JAKMIP1: variants seen among roughly 807,000 people sequenced by gnomAD.
JAKMIP1 encodes the protein janus kinase and microtubule interacting protein 1.
A neutral mutation model predicts 113.0 loss-of-function variants in JAKMIP1; 33 were observed. The ratio of observed to expected loss-of-function variants is 0.29; its 90% CI spans 0.22 to 0.39. The LOEUF (loss-of-function observed/expected upper bound fraction) is 0.39. Among genes scored for constraint, JAKMIP1 ranks in the 10% least tolerant of loss-of-function variants. The pLI, the probability that JAKMIP1 is intolerant of heterozygous loss-of-function variation, is 1.00. For synonymous variants in JAKMIP1, 480 were observed against 459.9 expected (o/e 1.04, Z -0.56); for missense variants, 813 against 1,080.5 (o/e 0.75, Z 3.47).
At chr4:6,034,102 C>T (rs1270720573) in intron 19 of JAKMIP1, among the ~76,000 whole-genome samples, 1 of 152,000 alleles carries the variant, frequency 6.6e-6, no homozygotes, top group Non-Finnish European at 1.5e-5. Context: ...TAGTGAGGCT[C>T]ATTACAACCA....
intron 2 of JAKMIP1, among the ~76,000 whole-genome samples, chr4:6,107,430 T>C (rs560965998): frequency 3.9e-5 from 6 of 152,318 alleles, no homozygotes; most frequent in African/African-American, 1.2e-4. Flanking sequence ...GCCCAGTCGT[T>C]TGGTCAAACA....
intron 2 of JAKMIP1, 113 bp downstream of exon 2, chr4:6,112,608 GC>G (rs933021628): frequency 5.5e-6 from 7 of 1,266,850 alleles, no homozygotes; most frequent in African/African-American, 4.3e-5. Flanking sequence ...GAGGTGAAGT[GC>G]CCCCCCTCGG....
At chr4:6,196,676 T>G (rs577191731) in intron 1 of JAKMIP1, among the ~76,000 whole-genome samples, 1 of 152,186 alleles carries the variant, frequency 6.6e-6, no homozygotes, top group African/African-American at 2.4e-5. Context: ...CTGGTTAACA[T>G]GGTGAAACCC....
rs1180630333 is a variant in JAKMIP1 at position 6,176,858 on chromosome 4, C to G, written c.-148+23395G>C. 1.3e-5 allele frequency among the ~76,000 whole-genome samples: 2 copies of G among 152,146 alleles called. No individual in the cohort carries two copies. The highest frequency in any genetic ancestry group is 2.9e-5 in the Non-Finnish European group (2 of 68,032). ...AACCAGCCTGGGCAACATGGCGAAA[C>G]CCTGCCTCTACAAAAAATACAAAAA... On this transcript the variant is annotated intron_variant, in intron 1 of 20. Coordinates refer to ENST00000409021, the MANE Select transcript of JAKMIP1 (RefSeq NM_001099433.2). This position sits in a 1 kb window ranked among gnomAD's most constrained non-coding sequence, Gnocchi z 5.5.
rs1410911402 is a variant in JAKMIP1, at chr4:6,156,705, G to C, written c.-148+43548C>G. Among the ~76,000 whole-genome samples, 1 of 141,910 alleles carries C rather than the reference G, an allele frequency of 7.0e-6. No individual in the cohort carries two copies. Among genetic ancestry groups the C allele is most frequent in the African/African-American group, 2.9e-5 (1 of 34,652 alleles). The allele number at this position is 141,910 out of a possible 152,430, so 93.1% of individuals were successfully genotyped here. A position where few individuals can be genotyped will look rare whatever the true frequency, so the allele number is the denominator to read the frequency against. The stretch of plus-strand genomic sequence containing the variant: ...TGGGAGCTAAAATATCTCCTTCATT[G>C]AAGGCTGTAGGATGTACAAGAAAGG... On this transcript the variant is annotated intron_variant, in intron 1 of 20. Transcript: ENST00000409021. The surrounding 1 kb of genome is among the most constrained non-coding windows in gnomAD (Gnocchi z 5.0).
Position 6,080,505 on chromosome 4 carries a change from G to A in JAKMIP1, c.1102-193C>T, listed in dbSNP as rs1720350023. On this transcript the variant is annotated intron_variant, in intron 6 of 20. Transcript: ENST00000409021. The surrounding 1 kb of genome is among the most constrained non-coding windows in gnomAD (Gnocchi z 6.0). ...GAATTGCGGCTCCCAGAACTCCCGT[G>A]TGTTGTGGGAGGGGCCAGGTGGGAG... 6.6e-6 allele frequency among the ~76,000 whole-genome samples: 1 copy of A among 152,164 alleles called. No individual in the cohort carries two copies. The highest frequency in any genetic ancestry group is 2.1e-4 in the South Asian group (1 of 4,820).
chr4:6,093,062 A>G lies in JAKMIP1; in HGVS notation c.625-7433T>C, dbSNP rs1722302213. On this transcript the variant is annotated intron_variant, in intron 3 of 20. Transcript: ENST00000409021. The surrounding 1 kb of genome is among the most constrained non-coding windows in gnomAD (Gnocchi z 4.6). ...GAGATATGGTTAAAATGATCACATCATGCCCCATTACTTCCAAACCTTTGC... is the reference window on the plus strand; with the variant it reads ...GAGATATGGTTAAAATGATCACATCGTGCCCCATTACTTCCAAACCTTTGC... 6.6e-6 allele frequency among the ~76,000 whole-genome samples: 1 copy of G among 152,228 alleles called. No individual in the cohort carries two copies. Among genetic ancestry groups the G allele is most frequent in the Non-Finnish European group, 1.5e-5 (1 of 68,048 alleles).
intron 8 of JAKMIP1, among the ~76,000 whole-genome samples, chr4:6,068,338 A>G (rs1002480040): frequency 4.6e-5 from 7 of 152,174 alleles, no homozygotes; most frequent in Non-Finnish European, 1.0e-4. Flanking sequence ...ATATGGCCCC[A>G]GAGACCAAGA....
intron 1 of JAKMIP1, among the ~76,000 whole-genome samples, chr4:6,159,989 G>A (rs1433769339): frequency 2.0e-5 from 3 of 152,102 alleles, no homozygotes; most frequent in South Asian, 2.1e-4. Flanking sequence ...ACTCACGGAC[G>A]TCACAACCCT....
chr4:6,098,476 G>A (rs917543198), intron 3 of JAKMIP1, among the ~76,000 whole-genome samples: 70 of 143,690 alleles, frequency 4.9e-4, no homozygotes, highest in African/African-American at 1.6e-3. Flanking sequence ...CAGGAGGGAA[G>A]GAAAGAAAGA....
At chr4:6,062,762 G>T (rs1217827828) in intron 9 of JAKMIP1, among the ~76,000 whole-genome samples, 6 of 152,206 alleles carry the variant, frequency 3.9e-5, no homozygotes, top group African/African-American at 1.4e-4. Flanking sequence ...GAAAGGGCTG[G>T]TACCATGGAA....
At chr4:6,083,402 CAAAA>C (rs77719269) in intron 5 of JAKMIP1, among the ~76,000 whole-genome samples, 5 of 109,920 alleles carry the variant, frequency 4.5e-5, no homozygotes, top group Admixed American at 9.5e-5. Context: ...GACTCCACCT[CAAAA>C]AAAAAAAAAA....
chr4:6,117,590 C>T (rs1716007089), intron 1 of JAKMIP1, among the ~76,000 whole-genome samples: 1 of 152,024 alleles, frequency 6.6e-6, no homozygotes, highest in Non-Finnish European at 1.5e-5. Context: ...TATCAGGAGA[C>T]AGGGTTTTGA....
Position 6,040,823 on chromosome 4 carries a change from T to C in JAKMIP1, c.2098-107A>G. On this transcript the variant is annotated intron_variant, in intron 17 of 20. Coordinates refer to ENST00000409021, the MANE Select transcript of JAKMIP1 (RefSeq NM_001099433.2). The surrounding 1 kb of genome is among the most constrained non-coding windows in gnomAD (Gnocchi z 5.8). ...GGCAGTCTCACCGAATTGGGGGCAC[T>C]CAGATGAGAAGGGACTTGGTGGTCT... The C allele has an allele frequency of 1.2e-6, 1 of 824,652 alleles. No individual in the cohort carries two copies. The highest frequency in any genetic ancestry group is 2.0e-6 in the Non-Finnish European group (1 of 494,054). 51.1% of individuals were successfully genotyped at this position (824,652 alleles called of 1,614,324 possible). A position where few individuals can be genotyped will look rare whatever the true frequency, so the allele number is the denominator to read the frequency against.
intron 1 of JAKMIP1, among the ~76,000 whole-genome samples, chr4:6,195,005 A>G (rs1727698249): frequency 6.6e-6 from 1 of 152,228 alleles, no homozygotes; most frequent in African/African-American, 2.4e-5. Flanking sequence ...GCGTGATCCT[A>G]GACTAGGCCT....
Position 6,167,868 on chromosome 4 carries a change from A to C in JAKMIP1, c.-148+32385T>G, listed in dbSNP as rs1723844380. 6.6e-6 allele frequency among the ~76,000 whole-genome samples: 1 copy of C among 152,248 alleles called. No homozygotes were observed. Among genetic ancestry groups the C allele is most frequent in the African/African-American group, 2.4e-5 (1 of 41,460 alleles). On this transcript the variant is annotated intron_variant, in intron 1 of 20. Transcript: ENST00000409021. This position sits in a 1 kb window ranked among gnomAD's most constrained non-coding sequence, Gnocchi z 5.3. Reference sequence around the variant, plus strand: ...AATGCTTCGGTTTAGAGCATGCCAGAAATCAGAGCTGGCTAGGACCAGTCA... The same window carrying C: ...AATGCTTCGGTTTAGAGCATGCCAGCAATCAGAGCTGGCTAGGACCAGTCA...
rs1051347551 is a variant in JAKMIP1, at chr4:6,061,779, A to G, written c.1560+533T>C. Among the ~76,000 whole-genome samples, 4 of 152,114 alleles carry G rather than the reference A, an allele frequency of 2.6e-5. No individual in the cohort carries two copies. The highest frequency in any genetic ancestry group is 4.8e-5 in the African/African-American group (2 of 41,428). On this transcript the variant is annotated intron_variant, in intron 10 of 20. Coordinates refer to ENST00000409021, the MANE Select transcript of JAKMIP1 (RefSeq NM_001099433.2). This position sits in a 1 kb window ranked among gnomAD's most constrained non-coding sequence, Gnocchi z 5.3. The stretch of plus-strand genomic sequence containing the variant: ...AGGAAGCGAGAGCAGGCCCCAGTCT[A>G]TGTGACTCCCGAAGGTGGGAGAAGG...
Position 6,135,754 on chromosome 4 carries a change from C to T in JAKMIP1, c.-147-22757G>A, listed in dbSNP as rs1314098153. Among the ~76,000 whole-genome samples, 1 of 152,196 alleles carries T rather than the reference C, an allele frequency of 6.6e-6. No homozygotes were observed. The highest frequency in any genetic ancestry group is 1.5e-5 in the Non-Finnish European group (1 of 68,044). On this transcript the variant is annotated intron_variant, in intron 1 of 20. Coordinates refer to ENST00000409021, the MANE Select transcript of JAKMIP1 (RefSeq NM_001099433.2). This position sits in a 1 kb window ranked among gnomAD's most constrained non-coding sequence, Gnocchi z 4.9. ...AGCCAGCCTGGACTTGAACCCAAGC[C>T]TTCTAAGGCCCATCCCACTGGTTCT...
At chr4:6,111,632 C>A (rs1342532231) in intron 2 of JAKMIP1, among the ~76,000 whole-genome samples, 5 of 152,180 alleles carry the variant, frequency 3.3e-5, no homozygotes, top group Admixed American at 6.5e-5. Context: ...GATCATGAGA[C>A]CAGTTAGCGG....
Sources: gnomAD v4.1 joint callset for allele counts (sites outside exome capture counted in the v4.1 genomes callset) on GRCh38, gnomAD v4.1.1 for gene constraint, Gnocchi (gnomAD v3.1) non-coding constraint, MANE v1.5 for transcripts, NCBI Gene and HGNC (gene_info 2026-07-23, HGNC 2026-07-21) for gene names.